ADGRB3: variants seen among roughly 807,000 people sequenced by gnomAD.
ADGRB3 encodes adhesion G protein-coupled receptor B3.
In ADGRB3, 37 loss-of-function variants were observed where a neutral mutation model predicts 193.4. The observed-to-expected ratio is 0.19, with a 90% CI of 0.15 to 0.25. The LOEUF (loss-of-function observed/expected upper bound fraction) is 0.25, where lower values mean the gene tolerates loss of function less well. Ranked by LOEUF, ADGRB3 falls within the 10% of genes least tolerant of loss-of-function variation. The pLI is 1.00. For synonymous variants in ADGRB3, 690 were observed against 644.2 expected (o/e 1.07, Z -1.08); for missense variants, 1,637 against 1,852.9 (o/e 0.88, Z 2.14).
intron 17 of ADGRB3, among the ~76,000 whole-genome samples, chr6:69,182,550 G>A (rs1371680031): frequency 6.6e-6 from 1 of 151,832 alleles, no homozygotes; most frequent in Non-Finnish European, 1.5e-5. Flanking sequence ...TATTTGTTCT[G>A]TTCTTCCCAC....
At chr6:68,888,244 C>G (rs1765967853) in intron 3 of ADGRB3, among the ~76,000 whole-genome samples, 1 of 152,080 alleles carries the variant, frequency 6.6e-6, no homozygotes, top group East Asian at 1.9e-4. Context: ...TCCCAAATGT[C>G]TACAGAAGAT....
chr6:68,955,218 T>C (rs1440195912), intron 6 of ADGRB3, among the ~76,000 whole-genome samples: 1 of 152,200 alleles, frequency 6.6e-6, no homozygotes, highest in Non-Finnish European at 1.5e-5. Flanking sequence ...CTTCAAGGCT[T>C]GCCTGAAGCC....
chr6:69,247,497 C>T (rs1415309157), intron 20 of ADGRB3, among the ~76,000 whole-genome samples: 2 of 152,124 alleles, frequency 1.3e-5, no homozygotes, highest in Non-Finnish European at 1.5e-5. Context: ...TGCTTGTGTG[C>T]TTTTGCCCTT....
chr6:68,695,508 G>C (rs1396548290), intron 3 of ADGRB3, among the ~76,000 whole-genome samples: 1 of 152,014 alleles, frequency 6.6e-6, no homozygotes, highest in African/African-American at 2.4e-5. Context: ...GCTAGTGTTT[G>C]CTTTCTCATT....
chr6:69,155,803 G>A (rs1774819586), intron 17 of ADGRB3, among the ~76,000 whole-genome samples: 1 of 152,194 alleles, frequency 6.6e-6, no homozygotes, highest in African/African-American at 2.4e-5. Context: ...TGACAAAATG[G>A]AGAAATATTT....
intron 13 of ADGRB3, among the ~76,000 whole-genome samples, chr6:69,026,361 T>C (rs1396239445): frequency 6.6e-6 from 1 of 152,048 alleles, no homozygotes; most frequent in African/African-American, 2.4e-5. Flanking sequence ...CAGTGATATG[T>C]AGGGGCAGAA....
intron 2 of ADGRB3, 52 bp downstream of exon 2, chr6:68,637,614 A>G (rs1383604654): frequency 1.3e-5 from 2 of 151,646 alleles, no homozygotes; most frequent in East Asian, 3.8e-4. Flanking sequence ...TTAAAATTAA[A>G]AAAGAAAAGA....
At chr6:69,032,648 C>CTAAA (rs1431855119) in intron 13 of ADGRB3, among the ~76,000 whole-genome samples, 88 of 152,310 alleles carry the variant, frequency 5.8e-4, no homozygotes, top group African/African-American at 1.9e-3. Context: ...GAAATCTGGA[C>CTAAA]TAAATTATTC....
At chr6:68,649,400 C>G (rs1221766686) in intron 3 of ADGRB3, among the ~76,000 whole-genome samples, 1 of 152,048 alleles carries the variant, frequency 6.6e-6, no homozygotes, top group African/African-American at 2.4e-5. Flanking sequence ...TTTGATAAAT[C>G]TAATCATTAA....
intron 3 of ADGRB3, among the ~76,000 whole-genome samples, chr6:68,899,546 G>T (rs1261803830): frequency 6.7e-6 from 1 of 149,264 alleles, no homozygotes; most frequent in Non-Finnish European, 1.5e-5. Context: ...GTGGTGTTTG[G>T]TTTTTTGTTC....
chr6:69,375,689 G>A (rs894427226), intron 30 of ADGRB3, among the ~76,000 whole-genome samples: 62 of 152,034 alleles, frequency 4.1e-4, no homozygotes, highest in Non-Finnish European at 1.5e-4. Context: ...CACAATTACA[G>A]GCATTCATTC....
chr6:68,993,919 C>G lies in ADGRB3; in HGVS notation c.1886C>G (p.Thr629Arg). 1 of 1,613,772 alleles carries G rather than the reference C, an allele frequency of 6.2e-7. No homozygotes were observed. The highest frequency in any genetic ancestry group is 8.5e-7 in the Non-Finnish European group (1 of 1,179,804). ...SVEILRNVTDTFKRASYIPAS... is the reference protein window; with the variant it reads ...SVEILRNVTDRFKRASYIPAS... ...GAGATCCTGAGAAATGTGACAGACACATTTAAAAGGGCAAGTTACATCCCT... is the reference window on the plus strand; with the variant it reads ...GAGATCCTGAGAAATGTGACAGACAGATTTAAAAGGGCAAGTTACATCCCT... Residue 629 changes from threonine to arginine, a missense_variant, in exon 11 of 32, where the codon ACA becomes AGA. Physicochemically the swap from Thr to Arg is moderately conservative, Grantham distance 71. Around this residue, in one of 7 missense-constraint regions of ADGRB3, gnomAD observed 641 missense variants for 673.9 expected, o/e 0.95. Coordinates refer to ENST00000370598, the MANE Select transcript of ADGRB3 (RefSeq NM_001704.3).
chr6:69,080,474 A>G (rs2150314186), intron 17 of ADGRB3, among the ~76,000 whole-genome samples: 2 of 152,134 alleles, frequency 1.3e-5, no homozygotes, highest in South Asian at 4.1e-4. Context: ...TAAGTATGAT[A>G]CAGGAGCAAA....
chr6:68,715,100 TGGCAGAG>T (rs1001903776), intron 3 of ADGRB3, among the ~76,000 whole-genome samples: 5 of 151,852 alleles, frequency 3.3e-5, no homozygotes, highest in African/African-American at 1.2e-4. Flanking sequence ...ATTTCTTTCA[TGGCAGAG>T]GGCAGGTAGT....
intron 29 of ADGRB3, among the ~76,000 whole-genome samples, chr6:69,362,862 AC>A (rs1769482102): frequency 6.6e-6 from 1 of 152,022 alleles, no homozygotes; most frequent in African/African-American, 2.4e-5. Flanking sequence ...AGAACAAACT[AC>A]AAAATATTTA....
intron 3 of ADGRB3, among the ~76,000 whole-genome samples, chr6:68,678,732 C>T (rs1393484157): frequency 1.5e-4 from 23 of 151,934 alleles, no homozygotes; most frequent in Non-Finnish European, 1.5e-5. Flanking sequence ...TGCTCATATT[C>T]ATGTAATTTC....
chr6:68,727,238 A>G (rs906914959), intron 3 of ADGRB3, among the ~76,000 whole-genome samples: 1 of 151,614 alleles, frequency 6.6e-6, no homozygotes, highest in Non-Finnish European at 1.5e-5. Context: ...CAAAGGCCTT[A>G]AAGCTGTATC....
chr6:68,965,411 C>T (rs1297602806), intron 8 of ADGRB3, among the ~76,000 whole-genome samples: 2 of 151,050 alleles, frequency 1.3e-5, no homozygotes, highest in African/African-American at 2.5e-5. Context: ...TGCCAACAAG[C>T]GAATTTTGAA....
At chr6:69,008,168 G>A (rs1769823001) in intron 11 of ADGRB3, among the ~76,000 whole-genome samples, 1 of 152,082 alleles carries the variant, frequency 6.6e-6, no homozygotes, top group African/African-American at 2.4e-5. Flanking sequence ...TATTCAAACT[G>A]CTGCAATCAC....
Sources: gnomAD v4.1 joint callset for allele counts (sites outside exome capture counted in the v4.1 genomes callset) on GRCh38, gnomAD v4.1.1 for gene constraint, gnomAD v4.1.1 regional missense constraint, MANE v1.5 for transcripts, NCBI Gene and HGNC (gene_info 2026-07-23, HGNC 2026-07-21) for gene names.